Variants in KIAA0513 observed in about 807,000 individuals in gnomAD.
The protein encoded by KIAA0513 is KIAA0513.
KIAA0513 carries 39 observed loss-of-function variants against 56.5 expected under a neutral mutation model. The observed-to-expected ratio is 0.69, with a 90% confidence interval of 0.53 to 0.90. The LOEUF (loss-of-function observed/expected upper bound fraction) is 0.90. KIAA0513 is among the 40% of genes least tolerant of loss of function. The probability of loss-of-function intolerance (pLI) is 0.00; values close to 1 mark genes in which losing one functional copy is unlikely to be tolerated. For synonymous variants in KIAA0513, 268 were observed against 215.6 expected (o/e 1.24, Z -2.13); for missense variants, 591 against 535.2 (o/e 1.10, Z -1.03).
chr16:85,084,821 C>T (rs757916603), intron 10 of KIAA0513, among the ~76,000 whole-genome samples: 4 of 152,156 alleles, frequency 2.6e-5, no homozygotes, highest in Non-Finnish European at 5.9e-5. Context: ...CCTCGGCCTC[C>T]CAAAGTGCTG....
intron 1 of KIAA0513, among the ~76,000 whole-genome samples, chr16:85,050,200 A>G (rs549683008): frequency 4.6e-5 from 7 of 152,172 alleles, no homozygotes; most frequent in African/African-American, 1.2e-4. Flanking sequence ...GACCAATTAA[A>G]CAATGACTAA....
chr16:85,087,301 A>C (rs1293864991), intron 12 of KIAA0513, 135 bp downstream of exon 12: 1 of 694,106 alleles, frequency 1.4e-6, no homozygotes, highest in Non-Finnish European at 2.6e-6. Flanking sequence ...AGCTCTCGGC[A>C]GACGGCCCCT....
At chr16:85,059,949 T>C (rs1288011711) in intron 1 of KIAA0513, among the ~76,000 whole-genome samples, 3 of 152,146 alleles carry the variant, frequency 2.0e-5, no homozygotes, top group Non-Finnish European at 2.9e-5. Context: ...CCCAGTTTGA[T>C]TTTTTGTTTG....
At chr16:85,074,328 G>GTATA (rs200895116) in intron 4 of KIAA0513, among the ~76,000 whole-genome samples, 22 of 139,680 alleles carry the variant, frequency 1.6e-4, no homozygotes, top group Admixed American at 3.0e-4. Flanking sequence ...ACACACACAC[G>GTATA]TATATATACA....
At chr16:85,046,692 T>G (rs1444036712) in intron 1 of KIAA0513, among the ~76,000 whole-genome samples, 1 of 152,194 alleles carries the variant, frequency 6.6e-6, no homozygotes, top group African/African-American at 2.4e-5. Flanking sequence ...GTTCACTGCC[T>G]CTTTCCTTTG....
At chr16:85,080,700 A>G (rs1169063075) in intron 8 of KIAA0513, among the ~76,000 whole-genome samples, 1 of 152,250 alleles carries the variant, frequency 6.6e-6, no homozygotes, top group African/African-American at 2.4e-5. Context: ...AGGCTGAGGC[A>G]GGAGAATGCT....
At chr16:85,072,101 C>T (rs894889699) in intron 3 of KIAA0513, among the ~76,000 whole-genome samples, 1 of 152,008 alleles carries the variant, frequency 6.6e-6, no homozygotes, top group African/African-American at 2.4e-5. Context: ...GCCTGTAATC[C>T]CAGCAGTTTG....
At chr16:85,063,321 A>T (rs1191325485) in intron 1 of KIAA0513, 1 of 152,290 alleles carries the variant, frequency 6.6e-6, no homozygotes, top group Non-Finnish European at 1.5e-5. Flanking sequence ...GCTGGAGTGC[A>T]GAGGCACGAT....
intron 1 of KIAA0513, among the ~76,000 whole-genome samples, chr16:85,048,286 G>A (rs778007842): frequency 6.6e-6 from 1 of 152,124 alleles, no homozygotes; most frequent in Non-Finnish European, 1.5e-5. Flanking sequence ...CAAAGGCTTC[G>A]ACCGTCAGCA....
At chr16:85,062,434 C>T (rs1282846063) in intron 1 of KIAA0513, among the ~76,000 whole-genome samples, 2 of 152,198 alleles carry the variant, frequency 1.3e-5, no homozygotes, top group Non-Finnish European at 2.9e-5. Context: ...ATGCGAATTG[C>T]AAAGTGTAAC....
At chr16:85,083,465 C>A (rs2073772436) in intron 10 of KIAA0513, among the ~76,000 whole-genome samples, 1 of 151,902 alleles carries the variant, frequency 6.6e-6, no homozygotes, top group Non-Finnish European at 1.5e-5. Context: ...CAAACACCTC[C>A]TTTCATGAAC....
At chr16:85,034,689 C>T (rs2073011062) in intron 1 of KIAA0513, among the ~76,000 whole-genome samples, 1 of 152,176 alleles carries the variant, frequency 6.6e-6, no homozygotes, top group Non-Finnish European at 1.5e-5. Flanking sequence ...ATAGGGTTTC[C>T]TCTGTCCACG....
At chr16:85,039,704 C>G (rs1485883715) in intron 1 of KIAA0513, among the ~76,000 whole-genome samples, 1 of 152,088 alleles carries the variant, frequency 6.6e-6, no homozygotes, top group Non-Finnish European at 1.5e-5. Context: ...AACTCCTGAC[C>G]TCAAGTGATC....
intron 1 of KIAA0513, among the ~76,000 whole-genome samples, chr16:85,029,024 T>A (rs2072926856): frequency 6.6e-6 from 1 of 152,226 alleles, no homozygotes; most frequent in African/African-American, 2.4e-5. Context: ...TGGGTAATAT[T>A]GCATGTGAGC....
intron 1 of KIAA0513, among the ~76,000 whole-genome samples, chr16:85,039,152 C>T (rs2073073697): frequency 1.3e-5 from 2 of 152,190 alleles, no homozygotes; most frequent in Non-Finnish European, 2.9e-5. Flanking sequence ...AAACACAAAC[C>T]CTCAATTCTC....
At chr16:85,072,576 A>T (rs2073593491) in intron 3 of KIAA0513, among the ~76,000 whole-genome samples, 1 of 152,196 alleles carries the variant, frequency 6.6e-6, no homozygotes, top group Admixed American at 6.5e-5. Flanking sequence ...CAGATGAGCA[A>T]AGAGAAGTTA....
chr16:85,082,697 C>G (rs2073760649), intron 10 of KIAA0513, 104 bp downstream of exon 10: 1 of 1,244,332 alleles, frequency 8.0e-7, no homozygotes, highest in African/African-American at 1.5e-5. Flanking sequence ...GCAGCAGGCA[C>G]AGCCCAGACG....
At chr16:85,084,528 C>T (rs1487524034) in intron 10 of KIAA0513, among the ~76,000 whole-genome samples, 1 of 150,804 alleles carries the variant, frequency 6.6e-6, no homozygotes, top group African/African-American at 2.4e-5. Context: ...CTCCCGGGTT[C>T]AAGCAATTCT....
At chr16:85,052,728 C>G (rs2073271700) in intron 1 of KIAA0513, among the ~76,000 whole-genome samples, 1 of 152,112 alleles carries the variant, frequency 6.6e-6, no homozygotes, top group South Asian at 2.1e-4. Flanking sequence ...GGCATCATCA[C>G]TGTGGTTTGG....
Sources: allele counts gnomAD v4.1 joint callset (sites outside exome capture counted in the v4.1 genomes callset), GRCh38; gene constraint gnomAD v4.1.1; transcripts MANE v1.5; gene names NCBI Gene and HGNC (gene_info 2026-07-23, HGNC 2026-07-21).